Variants in MEI4 observed in about 807,000 individuals in gnomAD.
MEI4 encodes meiotic double-stranded break formation protein 4.
MEI4 carries 27 observed loss-of-function variants against 31.4 expected under a neutral mutation model. The ratio of observed to expected loss-of-function variants is 0.86; its 90% CI spans 0.63 to 1.19. The LOEUF (loss-of-function observed/expected upper bound fraction) is 1.19. Ranked by LOEUF, MEI4 falls within the 50% of genes most tolerant of loss-of-function variation. MEI4 has a pLI of 0.00. For missense variants in MEI4, 329 were observed against 398.9 expected (o/e 0.82, Z 1.49); for synonymous variants, 122 against 145.4 (o/e 0.84, Z 1.16).
intron 2 of MEI4, among the ~76,000 whole-genome samples, chr6:77,755,478 G>A (rs1375863813): frequency 1.3e-5 from 2 of 151,860 alleles, no homozygotes; most frequent in Non-Finnish European, 2.9e-5. Flanking sequence ...GAGTGCAGTG[G>A]CACGATCTCG....
At chr6:77,776,401 G>A (rs1485540930) in intron 3 of MEI4, among the ~76,000 whole-genome samples, 1 of 152,034 alleles carries the variant, frequency 6.6e-6, no homozygotes, top group Non-Finnish European at 1.5e-5. Flanking sequence ...CTTGGTCTAA[G>A]GATAATTCTA....
chr6:77,702,001 G>T (rs920588333), intron 2 of MEI4, among the ~76,000 whole-genome samples: 1 of 152,054 alleles, frequency 6.6e-6, no homozygotes, highest in Non-Finnish European at 1.5e-5. Context: ...TATAGCCTGA[G>T]GACTGAATTC....
chr6:77,786,061 G>T (rs1561987322), intron 3 of MEI4, among the ~76,000 whole-genome samples: 1 of 151,988 alleles, frequency 6.6e-6, no homozygotes, highest in South Asian at 2.1e-4. Context: ...TGCCTTTCAG[G>T]TATCCACTAT....
At chr6:77,859,594 C>A (rs892250364) in intron 4 of MEI4, among the ~76,000 whole-genome samples, 1 of 152,068 alleles carries the variant, frequency 6.6e-6, no homozygotes, top group African/African-American at 2.4e-5. Context: ...TTGTGGTTTT[C>A]ATTTGCATTT....
rs1582051420 is a variant in MEI4 at position 77,714,027 on chromosome 6, C to T, written c.232+23124C>T. Among the ~76,000 whole-genome samples the T allele has an allele frequency of 2.6e-5, 4 of 152,018 alleles. No homozygotes were observed. The South Asian group carries it at 6.2e-4, about 24-fold the overall frequency. On this transcript the variant is annotated intron_variant, in intron 2 of 4. Transcript: ENST00000684080. The stretch of plus-strand genomic sequence containing the variant: ...TGTGTTAGTTTGCTAAGGATAATGG[C>T]CTCCAGCTCTATCTATGTCCCTACA...
chr6:77,923,218 A>G lies in MEI4; in HGVS notation c.1030A>G (p.Lys344Glu). ...TATAGGTCATGATGACCAAGAAATC[A>G]AGAAATTTCTTCAGAAGCATGATGA... ...SSIGHDDQEI[K>E]KFLQKHDETI... is the part of the protein sequence containing the mutation. The change falls in exon 5 of 5, where the codon AAG (lysine) becomes GAG (glutamate). Residue 344 changes from lysine (K) to glutamate (E), a missense_variant. Lys to Glu is a moderately conservative substitution (Grantham distance 56, BLOSUM62 1). Coordinates refer to ENST00000684080, the MANE Select transcript of MEI4 (RefSeq NM_001322247.2). 8.1e-7 allele frequency: 1 copy of G among 1,230,610 alleles called. No individual in the cohort carries two copies. The highest frequency in any genetic ancestry group is 1.0e-6 in the Non-Finnish European group (1 of 986,938). The allele number at this position is 1,230,610 out of a possible 1,614,324, so 76.2% of individuals were successfully genotyped here. A position where few individuals can be genotyped will look rare whatever the true frequency, so the allele number is the denominator to read the frequency against.
chr6:77,692,470 A>C (rs1769175324), intron 2 of MEI4, among the ~76,000 whole-genome samples: 1 of 152,050 alleles, frequency 6.6e-6, no homozygotes, highest in African/African-American at 2.4e-5. Flanking sequence ...AGGAACATAG[A>C]GGATGTTTTG....
chr6:77,906,973 C>T (rs1262496713), intron 4 of MEI4, among the ~76,000 whole-genome samples: 2 of 151,666 alleles, frequency 1.3e-5, no homozygotes, highest in African/African-American at 2.4e-5. Context: ...TGCACTACAG[C>T]GTCTGAGACA....
chr6:77,657,989 C>T (rs1199935483), intron 1 of MEI4, among the ~76,000 whole-genome samples: 1 of 152,152 alleles, frequency 6.6e-6, no homozygotes, highest in East Asian at 1.9e-4. Flanking sequence ...GAGGCGTGAG[C>T]CTGGGATTGA....
At position 77,847,953 on chromosome 6, in the gene MEI4, C is replaced by T. The variant is rs146587804; in HGVS notation, c.900+18891C>T. Reference sequence around the variant, plus strand: ...GAAAGGAAAAAAGGAAAGGAAAGAACGTCGGAATATTTATCTCCTCTTCAC... The same window carrying T: ...GAAAGGAAAAAAGGAAAGGAAAGAATGTCGGAATATTTATCTCCTCTTCAC... On this transcript the variant is annotated intron_variant, in intron 4 of 4. Coordinates refer to ENST00000684080, the MANE Select transcript of MEI4 (RefSeq NM_001322247.2). This position sits in a 1 kb window ranked among gnomAD's most constrained non-coding sequence, Gnocchi z 4.6. Among the ~76,000 whole-genome samples, 1 of 152,198 alleles carries T rather than the reference C, an allele frequency of 6.6e-6. No individual in the cohort carries two copies. Among genetic ancestry groups the T allele is most frequent in the East Asian group, 1.9e-4 (1 of 5,176 alleles).
intron 4 of MEI4, among the ~76,000 whole-genome samples, chr6:77,870,347 A>C (rs2127725055): frequency 6.6e-6 from 1 of 152,288 alleles, no homozygotes; most frequent in South Asian, 2.1e-4. Context: ...GGCTAATGTA[A>C]GTGATCTGAG....
intron 3 of MEI4, among the ~76,000 whole-genome samples, chr6:77,794,368 C>G (rs1769021273): frequency 6.6e-6 from 1 of 152,142 alleles, no homozygotes; most frequent in African/African-American, 2.4e-5. Flanking sequence ...TCGAGACCAT[C>G]CTGGCTAACA....
chr6:77,858,836 G>T (rs1770798960), intron 4 of MEI4, among the ~76,000 whole-genome samples: 1 of 150,498 alleles, frequency 6.6e-6, no homozygotes, highest in Non-Finnish European at 1.5e-5. Flanking sequence ...CTTTAATCTG[G>T]CATTCTAAAT....
intron 1 of MEI4, among the ~76,000 whole-genome samples, chr6:77,668,283 T>G (rs1045119499): frequency 5.3e-5 from 8 of 152,170 alleles, no homozygotes; most frequent in Non-Finnish European, 1.2e-4. Context: ...AAAGTGAACA[T>G]TATACTCTTT....
At chr6:77,917,902 T>G (rs1436159229) in intron 4 of MEI4, among the ~76,000 whole-genome samples, 4 of 148,414 alleles carry the variant, frequency 2.7e-5, no homozygotes, top group Non-Finnish European at 6.0e-5. Flanking sequence ...TGGTTTTAGG[T>G]CTAACGTTTA....
At chr6:77,659,159 C>T (rs1203168859) in intron 1 of MEI4, among the ~76,000 whole-genome samples, 3 of 152,002 alleles carry the variant, frequency 2.0e-5, no homozygotes, top group Non-Finnish European at 2.9e-5. Context: ...GTACCGAGAG[C>T]AATAGTGGAG....
intron 2 of MEI4, among the ~76,000 whole-genome samples, chr6:77,701,508 A>C (rs1367868314): frequency 3.3e-5 from 5 of 152,094 alleles, no homozygotes; most frequent in Non-Finnish European, 7.4e-5. Flanking sequence ...TGGATGGATG[A>C]AGTGTCAGGT....
chr6:77,844,095 A>T (rs980411995), intron 4 of MEI4, among the ~76,000 whole-genome samples: 1 of 152,122 alleles, frequency 6.6e-6, no homozygotes, highest in African/African-American at 2.4e-5. Flanking sequence ...TAGTCTTCAA[A>T]CAGATCACAT....
In MEI4 at chr6:77,925,114, A is replaced by G. The variant is rs1478975308; in HGVS notation, c.*1768A>G. On this transcript the variant is annotated 3_prime_UTR_variant, in exon 5 of 5. Coordinates refer to ENST00000684080, the MANE Select transcript of MEI4 (RefSeq NM_001322247.2). The stretch of plus-strand genomic sequence containing the variant: ...ATTAAACAAGATTGGTAAATACACA[A>G]GTATCAGCAATGGCCCTTTCCCTAT... 6.6e-6 allele frequency: 1 copy of G among 151,858 alleles called. No homozygotes were observed. Among genetic ancestry groups the G allele is most frequent in the Non-Finnish European group, 1.5e-5 (1 of 67,884 alleles). 9.4% of individuals were successfully genotyped at this position (151,858 alleles called of 1,614,324 possible).
Sources: allele counts gnomAD v4.1 joint callset (sites outside exome capture counted in the v4.1 genomes callset), GRCh38; gene constraint gnomAD v4.1.1; non-coding constraint Gnocchi (gnomAD v3.1); transcripts MANE v1.5; gene names NCBI Gene and HGNC (gene_info 2026-07-23, HGNC 2026-07-21).